Variants in INSL6 observed in about 807,000 individuals in gnomAD.
The protein encoded by INSL6 is insulin like 6.
Under a neutral mutation model 9.4 loss-of-function variants are expected in INSL6, and 16 were observed. That is an observed-to-expected ratio of 1.70 (90% CI 1.15 to 2.59). The LOEUF (loss-of-function observed/expected upper bound fraction) is 2.59. Among genes scored for constraint, INSL6 ranks in the 30% most tolerant of loss-of-function variants. INSL6 has a pLI of 0.00. For synonymous variants in INSL6, 154 were observed against 96.9 expected, an observed-to-expected ratio of 1.59 and a Z score of -3.46; for missense variants, 391 against 257.3, an observed-to-expected ratio of 1.52 and a Z score of -3.56.
downstream of INSL6, among the ~76,000 whole-genome samples, chr9:5,120,839 C>T (rs1823561613): frequency 6.6e-6 from 1 of 152,058 alleles, no homozygotes; most frequent in Non-Finnish European, 1.5e-5. Flanking sequence ...AATTGAGCAG[C>T]TAAATAGATT....
the INSL6 span, among the ~76,000 whole-genome samples, chr9:5,087,934 T>C: frequency 6.6e-6 from 1 of 152,226 alleles, no homozygotes; most frequent in Admixed American, 6.5e-5. Flanking sequence ...TGTGACAATA[T>C]ACAATAATTA....
At chr9:5,106,206 A>T in the INSL6 span, among the ~76,000 whole-genome samples, 1 of 152,200 alleles carries the variant, frequency 6.6e-6, no homozygotes, top group Non-Finnish European at 1.5e-5. Flanking sequence ...AATTTACAAG[A>T]AAAAAACAAC....
the INSL6 span, among the ~76,000 whole-genome samples, chr9:5,104,082 G>A: frequency 5.4e-3 from 825 of 152,234 alleles, 10 homozygotes; most frequent in African/African-American, 0.019. Context: ...CAGAACTGAA[G>A]GAGATAGAGA....
chr9:5,114,434 C>T, the INSL6 span: 2 of 486,890 alleles, frequency 4.1e-6, no homozygotes, highest in South Asian at 3.6e-5. Context: ...CCTACCAGTG[C>T]AGGGTGACCC....
At chr9:5,077,303 G>C in the INSL6 span, 1 of 269,170 alleles carries the variant, frequency 3.7e-6, no homozygotes, top group Non-Finnish European at 7.1e-6. Context: ...ATAATGCTGT[G>C]TATCCATTAA....
the INSL6 span, among the ~76,000 whole-genome samples, chr9:5,062,324 G>C: frequency 6.6e-6 from 1 of 151,732 alleles, no homozygotes. Flanking sequence ...CTGTACAATA[G>C]TTACATCAAA....
intron 1 of INSL6, among the ~76,000 whole-genome samples, chr9:5,184,192 T>C (rs1282761837): frequency 6.6e-6 from 1 of 152,226 alleles, no homozygotes; most frequent in Non-Finnish European, 1.5e-5. Flanking sequence ...ATGTGCATTG[T>C]TTGACTTTTT....
At chr9:5,108,217 T>C in the INSL6 span, 5 of 152,264 alleles carry the variant, frequency 3.3e-5, no homozygotes, top group East Asian at 9.6e-4. Flanking sequence ...CTATATTGAT[T>C]TCCCTGCAGA....
At chr9:5,071,793 G>T in the INSL6 span, among the ~76,000 whole-genome samples, 2 of 152,160 alleles carry the variant, frequency 1.3e-5, no homozygotes, top group African/African-American at 4.8e-5. Flanking sequence ...CAGGTAACTT[G>T]ACTAACATTA....
chr9:5,112,587 G>A, the INSL6 span: 14 of 728,092 alleles, frequency 1.9e-5, no homozygotes, highest in Admixed American at 2.3e-4. Flanking sequence ...TCCCTTAAGA[G>A]GGCTCTTAAG....
At chr9:5,075,074 T>C in the INSL6 span, among the ~76,000 whole-genome samples, 1 of 152,208 alleles carries the variant, frequency 6.6e-6, no homozygotes, top group African/African-American at 2.4e-5. Context: ...TAGAGCAAGA[T>C]CTTAATGCTC....
chr9:5,036,280 T>G, the INSL6 span, among the ~76,000 whole-genome samples: 1 of 152,190 alleles, frequency 6.6e-6, no homozygotes, highest in African/African-American at 2.4e-5. Context: ...AGAATCAATA[T>G]TGTGAAAATG....
chr9:5,112,708 A>AATTTTTG, the INSL6 span: 1 of 853,532 alleles, frequency 1.2e-6, no homozygotes. Context: ...AGCAAGTGCG[A>AATTTTTG]GAGCGGAACC....
chr9:5,140,234 A>G (rs1486505668), intron 2 of INSL6, among the ~76,000 whole-genome samples: 1 of 152,164 alleles, frequency 6.6e-6, no homozygotes, highest in Non-Finnish European at 1.5e-5. Context: ...CACCAACTAA[A>G]GCCATATATA....
the INSL6 span, among the ~76,000 whole-genome samples, chr9:4,994,749 T>C: frequency 6.6e-6 from 1 of 152,196 alleles, no homozygotes; most frequent in African/African-American, 2.4e-5. Flanking sequence ...CAATTCCCAA[T>C]TTAAATCATT....
At chr9:5,095,834 A>G in the INSL6 span, among the ~76,000 whole-genome samples, 31 of 152,186 alleles carry the variant, frequency 2.0e-4, no homozygotes, top group Non-Finnish European at 2.9e-5. Flanking sequence ...ACCATTATAA[A>G]TCTGATTGTT....
chr9:5,117,707 T>G, the INSL6 span, among the ~76,000 whole-genome samples: 2 of 151,900 alleles, frequency 1.3e-5, no homozygotes, highest in Non-Finnish European at 2.9e-5. Context: ...AGCTTTAATA[T>G]TTAATATGGT....
At chr9:5,119,418 T>C (rs1823448023), downstream of INSL6, among the ~76,000 whole-genome samples, 1 of 151,866 alleles carries the variant, frequency 6.6e-6, no homozygotes, top group East Asian at 1.9e-4. Context: ...TTCTTTGTCA[T>C]AATGAAAGCC....
chr9:5,054,576 T>G, the INSL6 span: 1 of 1,584,182 alleles, frequency 6.3e-7, no homozygotes, highest in Non-Finnish European at 8.6e-7. This position sits in a 1 kb window ranked among gnomAD's most constrained non-coding sequence, Gnocchi z 4.9. Context: ...CAAGACATTC[T>G]TACCAAAATG....
Sources: gnomAD v4.1 joint callset for allele counts (sites outside exome capture counted in the v4.1 genomes callset) on GRCh38, gnomAD v4.1.1 for gene constraint, Gnocchi (gnomAD v3.1) non-coding constraint, MANE v1.5 for transcripts, NCBI Gene and HGNC (gene_info 2026-07-23, HGNC 2026-07-21) for gene names.